The following S1PR2 variants were observed in gnomAD, a reference collection of about 807,000 sequenced individuals.
S1PR2 encodes sphingosine 1-phosphate receptor 2.
A neutral mutation model predicts 16.1 loss-of-function variants in S1PR2; 9 were observed. The ratio of observed to expected loss-of-function variants is 0.56; its 90% CI spans 0.34 to 0.98. S1PR2 has a LOEUF of 0.98. Among genes scored for constraint, S1PR2 ranks in the 50% least tolerant of loss-of-function variants. S1PR2 has a pLI of 0.02. For synonymous variants in S1PR2, 224 were observed against 233.9 expected (o/e 0.96, Z 0.38); for missense variants, 361 against 488.4 (o/e 0.74, Z 2.46).
chr19:10,224,762 C>T lies in S1PR2; in HGVS notation c.144G>A (p.Val48=). Residue 48 remains valine, a synonymous_variant, in exon 2 of 2, where the codon GTG becomes GTA. Coordinates refer to ENST00000646641, the MANE Select transcript of S1PR2 (RefSeq NM_004230.4). ...AFIVILCCAI[V]VENLLVLIAV... ...CAATGAGCACCAGAAGGTTTTCCAC[C>T]ACAATGGCGCAACAGAGGATGACGA... 1 of 1,614,268 alleles carries T rather than the reference C, an allele frequency of 6.2e-7. No homozygotes were observed. The highest frequency in any genetic ancestry group is 8.5e-7 in the Non-Finnish European group (1 of 1,180,054).
intron 1 of S1PR2, among the ~76,000 whole-genome samples, chr19:10,230,990 A>G (rs532526547): frequency 6.6e-6 from 1 of 152,336 alleles, no homozygotes; most frequent in African/African-American, 2.4e-5. Context: ...CCGCTGAGAA[A>G]GGCGGGGAGC....
intron 1 of S1PR2, among the ~76,000 whole-genome samples, chr19:10,230,779 C>G (rs2039670742): frequency 6.6e-6 from 1 of 152,240 alleles, no homozygotes; most frequent in South Asian, 2.1e-4. Flanking sequence ...CCGCCCTCCC[C>G]GTGGGTGCCG....
intron 1 of S1PR2, among the ~76,000 whole-genome samples, chr19:10,229,569 C>T (rs2039656366): frequency 6.6e-6 from 1 of 152,262 alleles, no homozygotes; most frequent in Admixed American, 6.5e-5. Flanking sequence ...GGATTACAGG[C>T]GTGAGCCACC....
rs781176630 is a variant in S1PR2, at chr19:10,224,795, C to T, written c.111G>A (p.Ser37=). The T allele has an allele frequency of 2.2e-5, 36 of 1,614,108 alleles. No individual in the cohort carries two copies. Among genetic ancestry groups the T allele is most frequent in the South Asian group, 2.0e-4 (18 of 91,090 alleles). Residue 37 remains serine (S), a synonymous_variant, in exon 2 of 2, where the codon TCG becomes TCA. Transcript: ENST00000646641. ...CGCAACAGAGGATGACGATGAAGGCCGAGGCCACCTGGCGGGAGGTCGTCT... is the reference window on the plus strand; with the variant it reads ...CGCAACAGAGGATGACGATGAAGGCTGAGGCCACCTGGCGGGAGGTCGTCT... The part of the protein sequence containing the change: ...TQETTSRQVA[S]AFIVILCCAI...
In S1PR2 at chr19:10,224,345, G is replaced by C; in HGVS notation, c.561C>G (p.Ala187=). The stretch of plus-strand genomic sequence containing the variant: ...TCACCACGCACAGCACATAATGCTT[G>C]GCGTAGAGAGGCAGGACAGTGGAGC... ...EACSTVLPLY[A]KHYVLCVVTI... Residue 187 remains alanine, a synonymous_variant, in exon 2 of 2, where the codon GCC becomes GCG. Coordinates refer to ENST00000646641, the MANE Select transcript of S1PR2 (RefSeq NM_004230.4). 1 of 1,614,126 alleles carries C rather than the reference G, an allele frequency of 6.2e-7. No individual in the cohort carries two copies.
chr19:10,231,208 C>G lies in S1PR2; in HGVS notation c.-47G>C, dbSNP rs2039675262. On this transcript the variant is annotated 5_prime_UTR_variant, in exon 1 of 2. Transcript: ENST00000646641. Reference sequence around the variant, plus strand: ...CTTGTCGCCACGCGCGCTCACCTGGCTAGGCCGGCCCGGCTCCCGGCCCTG... The same window carrying G: ...CTTGTCGCCACGCGCGCTCACCTGGGTAGGCCGGCCCGGCTCCCGGCCCTG... The G allele has an allele frequency of 1.3e-5, 2 of 152,442 alleles. No individual in the cohort carries two copies. The highest frequency in any genetic ancestry group is 1.3e-4 in the Admixed American group (2 of 15,282). 9.4% of individuals were successfully genotyped at this position (152,442 alleles called of 1,614,324 possible). A position where few individuals can be genotyped will look rare whatever the true frequency, so the allele number is the denominator to read the frequency against.
At position 10,224,862 on chromosome 19, in the gene S1PR2, T is replaced by C. The variant is rs2039622052; in HGVS notation, c.44A>G (p.Gln15Arg). ...YSEYLNPNKV[Q>R]EHYNYTKETL... is the part of the protein sequence containing the mutation. ...CTCCTTGGTATAATTATAGTGTTCC[T>C]GGACCTTGTTGGGGTTCAGGTACTC... Residue 15 changes from glutamine to arginine, a missense_variant, in exon 2 of 2, where the codon CAG becomes CGG. Physicochemically the swap from Gln to Arg is conservative, Grantham distance 43. Transcript: ENST00000646641. 8 of 1,613,500 alleles carry C rather than the reference T, an allele frequency of 5.0e-6. No individual in the cohort carries two copies. The highest frequency in any genetic ancestry group is 1.3e-5 in the African/African-American group (1 of 74,946).
intron 1 of S1PR2, among the ~76,000 whole-genome samples, chr19:10,226,518 C>T (rs1241856655): frequency 6.6e-6 from 1 of 152,190 alleles, no homozygotes; most frequent in African/African-American, 2.4e-5. Context: ...TCAACAAATA[C>T]TGCCAAATGT....
rs961053047 is a variant in S1PR2 at position 10,231,302 on chromosome 19, C to A, written c.-141G>T. The A allele has an allele frequency of 6.6e-6, 1 of 152,226 alleles. No homozygotes were observed. Among genetic ancestry groups the A allele is most frequent in the East Asian group, 1.9e-4 (1 of 5,180 alleles). 9.4% of individuals were successfully genotyped at this position (152,226 alleles called of 1,614,324 possible). ...TGGGGCTGGGGTTGCCAGCCGGGCT[C>A]GGCTAAGTCCCGGGGCTGGGACGAG... On this transcript the variant is annotated 5_prime_UTR_variant, in exon 1 of 2. Coordinates refer to ENST00000646641, the MANE Select transcript of S1PR2 (RefSeq NM_004230.4).
chr19:10,223,191 A>C lies in S1PR2; in HGVS notation c.*653T>G, dbSNP rs1320267624. On this transcript the variant is annotated 3_prime_UTR_variant, in exon 2 of 2. Transcript: ENST00000646641. ...CTCAAAAAAAAAAAAAAAAAAAAAA[A>C]AAAAAAAAAAAAAAGCCGGGCACGG... is the stretch of plus-strand genomic sequence containing the variant. 2 of 125,088 alleles carry C rather than the reference A, an allele frequency of 1.6e-5. No homozygotes were observed. Among genetic ancestry groups the C allele is most frequent in the Non-Finnish European group, 3.4e-5 (2 of 58,136 alleles). The allele number at this position is 125,088 out of a possible 1,614,324, so 7.7% of individuals were successfully genotyped here.
At position 10,231,319 on chromosome 19, in the gene S1PR2, T is replaced by TGGGACGAGGGACAGAGGGGGGGGC. The variant is rs2039676088; in HGVS notation, c.-159_-158insGCCCCCCCCTCTGTCCCTCGTCCC. ...GCCGGGCTCGGCTAAGTCCCGGGGC[T>TGGGACGAGGGACAGAGGGGGGGGC]GGGACGAGGGACAGAGGGGGGGGCG... On this transcript the variant is annotated 5_prime_UTR_variant, in exon 1 of 2. Coordinates refer to ENST00000646641, the MANE Select transcript of S1PR2 (RefSeq NM_004230.4). 2 of 152,100 alleles carry TGGGACGAGGGACAGAGGGGGGGGC rather than the reference T, an allele frequency of 1.3e-5. No homozygotes were observed. Among genetic ancestry groups the TGGGACGAGGGACAGAGGGGGGGGC allele is most frequent in the African/African-American group, 4.8e-5 (2 of 41,392 alleles). The allele number at this position is 152,100 out of a possible 1,614,324, so 9.4% of individuals were successfully genotyped here. A position where few individuals can be genotyped will look rare whatever the true frequency, so the allele number is the denominator to read the frequency against.
intron 1 of S1PR2, among the ~76,000 whole-genome samples, chr19:10,225,390 A>ATTTTTT (rs35464657): frequency 2.1e-4 from 17 of 80,568 alleles, no homozygotes; most frequent in Non-Finnish European, 2.8e-4. Flanking sequence ...CGCCTGGCTA[A>ATTTTTT]TTTTTTTTTT....
At position 10,221,781 on chromosome 19, in the gene S1PR2, C is replaced by A. The variant is rs1160674336; in HGVS notation, c.*2063G>T. Reference sequence around the variant, plus strand: ...GGAGAGGAGGGTCACAGACATCACGCCTATGTGCACACGCGCGCGCGCACA... The same window carrying A: ...GGAGAGGAGGGTCACAGACATCACGACTATGTGCACACGCGCGCGCGCACA... On this transcript the variant is annotated 3_prime_UTR_variant, in exon 2 of 2. Coordinates refer to ENST00000646641, the MANE Select transcript of S1PR2 (RefSeq NM_004230.4). 6.6e-6 allele frequency: 1 copy of A among 152,440 alleles called. No individual in the cohort carries two copies. Among genetic ancestry groups the A allele is most frequent in the African/African-American group, 2.4e-5 (1 of 41,464 alleles). The allele number at this position is 152,440 out of a possible 1,614,324, so 9.4% of individuals were successfully genotyped here. A position where few individuals can be genotyped will look rare whatever the true frequency, so the allele number is the denominator to read the frequency against.
In S1PR2 at chr19:10,226,932, C is replaced by T. The variant is rs548563435; in HGVS notation, c.-42-1985G>A. Among the ~76,000 whole-genome samples the T allele has an allele frequency of 6.0e-4, 90 of 148,888 alleles. 1 individual carries two copies. The highest frequency in any genetic ancestry group is 2.1e-3 in the African/African-American group (87 of 40,878). ...TGAAAACCTGAGTCACCCCCCCAAC[C>T]CCCTCCCATCCCTCCCCTCCACCCT... On this transcript the variant is annotated intron_variant, in intron 1 of 1. Transcript: ENST00000646641.
chr19:10,223,355 A>G lies in S1PR2; in HGVS notation c.*489T>C, dbSNP rs528150291. 8.0e-4 allele frequency: 124 copies of G among 154,198 alleles called. No homozygotes were observed. The highest frequency in any genetic ancestry group is 3.6e-3 in the South Asian group (18 of 4,942). 9.6% of individuals were successfully genotyped at this position (154,198 alleles called of 1,614,324 possible). On this transcript the variant is annotated 3_prime_UTR_variant, in exon 2 of 2. Transcript: ENST00000646641. ...CAAAAAATTAGCCAGGTGTGGTGGC[A>G]GGCGCCTATAGTCCCAGCTACTTGG...
Position 10,224,677 on chromosome 19 carries a change from C to T in S1PR2, c.229G>A (p.Ala77Thr), listed in dbSNP as rs750224099. Residue 77 changes from alanine to threonine, a missense_variant, in exon 2 of 2, where the codon GCC (alanine) becomes ACC (threonine). Coordinates refer to ENST00000646641, the MANE Select transcript of S1PR2 (RefSeq NM_004230.4). ...GCCACGCCTGCCAGTAGATCGGAGG[C>T]GGCCAGGTTGCCCAGAAACAGGTAC... ...AMYLFLGNLA[A>T]SDLLAGVAFV... The T allele has an allele frequency of 9.9e-6, 16 of 1,614,018 alleles. No homozygotes were observed. The highest frequency in any genetic ancestry group is 1.3e-5 in the African/African-American group (1 of 74,948).
chr19:10,221,694 T>C lies in S1PR2; in HGVS notation c.*2150A>G, dbSNP rs919683493. The C allele has an allele frequency of 6.6e-6, 1 of 152,348 alleles. No individual in the cohort carries two copies. Among genetic ancestry groups the C allele is most frequent in the Non-Finnish European group, 1.5e-5 (1 of 68,082 alleles). The allele number at this position is 152,348 out of a possible 1,614,324, so 9.4% of individuals were successfully genotyped here. ...GGGCAGGACCAGAGCTCCCCGACTT[T>C]GGCAGCTTCAACACAAACATGAGCA... On this transcript the variant is annotated 3_prime_UTR_variant, in exon 2 of 2. Coordinates refer to ENST00000646641, the MANE Select transcript of S1PR2 (RefSeq NM_004230.4).
chr19:10,224,054 G>A lies in S1PR2; in HGVS notation c.852C>T (p.Asn284=). ...FAVSTLNSLL[N]PVIYTWRSRD... is the part of the protein sequence containing the mutation. ...GGCTGCGCCACGTGTAGATGACGGG[G>A]TTGAGCAGGGAATTCAGGGTGGAGA... is the stretch of plus-strand genomic sequence containing the variant. Residue 284 remains asparagine, a synonymous_variant, in exon 2 of 2, where the codon AAC becomes AAT. Transcript: ENST00000646641. The A allele has an allele frequency of 1.9e-6, 3 of 1,610,582 alleles. No homozygotes were observed. Among genetic ancestry groups the A allele is most frequent in the Non-Finnish European group, 1.7e-6 (2 of 1,180,022 alleles).
chr19:10,231,033 G>A (rs955337799), intron 1 of S1PR2, among the ~76,000 whole-genome samples, 171 bp downstream of exon 1: 1 of 152,234 alleles, frequency 6.6e-6, no homozygotes, highest in African/African-American at 2.4e-5. Flanking sequence ...AGGCAGTGGG[G>A]GCCGCCCGGA....
Sources: gnomAD v4.1 joint callset for allele counts (sites outside exome capture counted in the v4.1 genomes callset) on GRCh38, gnomAD v4.1.1 for gene constraint, MANE v1.5 for transcripts, NCBI Gene and HGNC (gene_info 2026-07-23, HGNC 2026-07-21) for gene names.